Variants in BLTP3A observed in about 807,000 individuals in gnomAD.
BLTP3A encodes bridge-like lipid transfer protein family member 3A, also known as ICBP90 binding protein 1.
At chr6:34,826,506 G>A in the BLTP3A span, among the ~76,000 whole-genome samples, 1 of 151,944 alleles carries the variant, frequency 6.6e-6, no homozygotes, top group East Asian at 1.9e-4. Flanking sequence ...ATACAGGCAT[G>A]TGCCACTGCA....
chr6:34,871,294 TATATAA>T, the BLTP3A span, among the ~76,000 whole-genome samples: 4 of 152,148 alleles, frequency 2.6e-5, no homozygotes, highest in Non-Finnish European at 5.9e-5. Context: ...GTTATAGTGG[TATATAA>T]ATGTGTGTTG....
the BLTP3A span, among the ~76,000 whole-genome samples, chr6:34,835,733 T>C: frequency 6.6e-6 from 1 of 152,176 alleles, no homozygotes; most frequent in Non-Finnish European, 1.5e-5. Flanking sequence ...TCTTGAAAGA[T>C]GGACCATAAA....
chr6:34,816,199 C>G, the BLTP3A span, among the ~76,000 whole-genome samples: 99 of 152,334 alleles, frequency 6.5e-4, no homozygotes, highest in African/African-American at 2.3e-3. Flanking sequence ...AATGTCAGTG[C>G]TAGCTAACAG....
the BLTP3A span, among the ~76,000 whole-genome samples, chr6:34,804,593 G>A: frequency 6.6e-6 from 1 of 152,114 alleles, no homozygotes. Flanking sequence ...CTATGGTTCT[G>A]TATCACTTGA....
At chr6:34,803,299 C>A in the BLTP3A span, among the ~76,000 whole-genome samples, 2 of 151,408 alleles carry the variant, frequency 1.3e-5, no homozygotes, top group African/African-American at 4.9e-5. Context: ...TATGAAATTT[C>A]TTTTGTATGA....
the BLTP3A span, among the ~76,000 whole-genome samples, chr6:34,806,960 G>T: frequency 6.7e-6 from 1 of 148,932 alleles, no homozygotes. Flanking sequence ...GCACCCAGCA[G>T]ATAACCTATT....
chr6:34,847,815 A>T, the BLTP3A span, among the ~76,000 whole-genome samples: 2 of 104,804 alleles, frequency 1.9e-5, no homozygotes, highest in African/African-American at 3.6e-5. Context: ...ATTTATTATT[A>T]TTTATTTTCT....
At chr6:34,861,189 G>A in the BLTP3A span, among the ~76,000 whole-genome samples, 2 of 151,316 alleles carry the variant, frequency 1.3e-5, no homozygotes, top group Admixed American at 6.6e-5. Context: ...CCAGTGGTGC[G>A]ATCTCTGCTC....
the BLTP3A span, among the ~76,000 whole-genome samples, chr6:34,850,365 A>G: frequency 1.3e-5 from 2 of 152,120 alleles, no homozygotes; most frequent in South Asian, 2.1e-4. Context: ...CTTGTATTCT[A>G]TAATCTTCTT....
the BLTP3A span, among the ~76,000 whole-genome samples, chr6:34,794,341 A>C: frequency 8.6e-6 from 1 of 115,730 alleles, no homozygotes; most frequent in African/African-American, 4.9e-5. Flanking sequence ...ACAAAAATTA[A>C]AAATTAAAGG....
the BLTP3A span, among the ~76,000 whole-genome samples, chr6:34,865,949 G>GC: frequency 6.6e-6 from 1 of 152,166 alleles, no homozygotes; most frequent in Non-Finnish European, 1.5e-5. Context: ...AGTGGCTCAC[G>GC]CCTGTAATCC....
the BLTP3A span, among the ~76,000 whole-genome samples, chr6:34,841,693 G>A: frequency 2.0e-5 from 3 of 152,162 alleles, no homozygotes; most frequent in Admixed American, 6.5e-5. Flanking sequence ...TGAAATGATC[G>A]GAAACTGGAT....
At chr6:34,871,839 T>A in the BLTP3A span, 1 of 1,614,174 alleles carries the variant, frequency 6.2e-7, no homozygotes. Flanking sequence ...GGACAAACCA[T>A]CAGCTGAAGT....
At chr6:34,792,727 GC>G in the BLTP3A span, among the ~76,000 whole-genome samples, 1 of 152,124 alleles carries the variant, frequency 6.6e-6, no homozygotes, top group Non-Finnish European at 1.5e-5. Flanking sequence ...TGGCCTTCGG[GC>G]CCCTGCCCCT....
chr6:34,834,336 A>G, the BLTP3A span: 2 of 1,613,980 alleles, frequency 1.2e-6, no homozygotes, highest in East Asian at 2.2e-5. Context: ...CTCCAGGGCT[A>G]TAGTGTCAAC....
the BLTP3A span, among the ~76,000 whole-genome samples, chr6:34,833,510 A>AT: frequency 6.6e-6 from 1 of 151,974 alleles, no homozygotes; most frequent in East Asian, 1.9e-4. Flanking sequence ...CCTCACAGAC[A>AT]TTATCTAAAT....
the BLTP3A span, chr6:34,859,664 T>C: frequency 2.6e-6 from 4 of 1,543,418 alleles, no homozygotes; most frequent in Non-Finnish European, 3.5e-6. Context: ...CATTTCTAGA[T>C]TGGGAAGTAC....
the BLTP3A span, chr6:34,864,278 T>C: frequency 1.5e-6 from 2 of 1,340,012 alleles, no homozygotes; most frequent in African/African-American, 2.9e-5. Context: ...CTGGCAGGGC[T>C]AAAGAGGAGC....
chr6:34,864,030 G>C, the BLTP3A span: 3 of 1,612,068 alleles, frequency 1.9e-6, no homozygotes, highest in Non-Finnish European at 1.7e-6. Flanking sequence ...AGATGAGGGG[G>C]TGGCAGCCCC....
Sources: gnomAD v4.1 joint callset for allele counts (sites outside exome capture counted in the v4.1 genomes callset) on GRCh38, gnomAD v4.1.1 for gene constraint, MANE v1.5 for transcripts, NCBI Gene and HGNC (gene_info 2026-07-23, HGNC 2026-07-21) for gene names.